The following TLK1 variants were observed in gnomAD, a reference collection of about 807,000 sequenced individuals.
TLK1 encodes the protein tousled like kinase 1.
Under a neutral mutation model 105.3 loss-of-function variants are expected in TLK1, and 24 were observed. The ratio of observed to expected loss-of-function variants is 0.23; its 90% confidence interval spans 0.17 to 0.32. The LOEUF is 0.32. Among genes scored for constraint, TLK1 ranks in the 10% least tolerant of loss-of-function variants. The probability of loss-of-function intolerance (pLI) is 1.00; values close to 1 mark genes in which losing one functional copy is unlikely to be tolerated. For synonymous variants in TLK1, 321 were observed against 310.4 expected (o/e 1.03, Z -0.36); for missense variants, 558 against 910.5 (o/e 0.61, Z 4.98).
chr2:171,128,500 T>C (rs1690961979), intron 1 of TLK1, among the ~76,000 whole-genome samples: 1 of 152,218 alleles, frequency 6.6e-6, no homozygotes, highest in Non-Finnish European at 1.5e-5. Context: ...AATGTGAACA[T>C]ATATGTATGC....
At chr2:171,077,663 G>C (rs1008702619) in intron 3 of TLK1, among the ~76,000 whole-genome samples, 4 of 152,066 alleles carry the variant, frequency 2.6e-5, no homozygotes, top group Non-Finnish European at 5.9e-5. Flanking sequence ...TGGGTCTCAG[G>C]ATCCCTCTGT....
In TLK1 at chr2:171,160,203, C is replaced by A; in HGVS notation, c.139+87G>T. The stretch of plus-strand genomic sequence containing the variant: ...ACCCCAGGGTCTGGCGGAGAAGCCC[C>A]GGGGCGGGGGGGGCGGGGGGGGGGC... On this transcript the variant is annotated intron_variant, in intron 1 of 20. Transcript: ENST00000431350. The surrounding 1 kb of genome is among the most constrained non-coding windows in gnomAD (Gnocchi z 4.4). The A allele has an allele frequency of 8.4e-7, 1 of 1,187,324 alleles. No homozygotes were observed. Among genetic ancestry groups the A allele is most frequent in the Non-Finnish European group, 1.0e-6 (1 of 963,712 alleles). 73.5% of individuals were successfully genotyped at this position (1,187,324 alleles called of 1,614,324 possible).
At chr2:171,090,013 G>A (rs1359769819) in intron 2 of TLK1, among the ~76,000 whole-genome samples, 1 of 152,024 alleles carries the variant, frequency 6.6e-6, no homozygotes, top group Non-Finnish European at 1.5e-5. Flanking sequence ...GATTTTAATT[G>A]GTATTGCACT....
At chr2:171,117,287 A>ACTCTCCT in intron 2 of TLK1, among the ~76,000 whole-genome samples, 1 of 152,202 alleles carries the variant, frequency 6.6e-6, no homozygotes. Context: ...GGTGGAGCTC[A>ACTCTCCT]GGCAGTAATG....
At chr2:171,123,815 A>C (rs1690756884) in intron 1 of TLK1, among the ~76,000 whole-genome samples, 2 of 152,206 alleles carry the variant, frequency 1.3e-5, no homozygotes, top group Non-Finnish European at 2.9e-5. Flanking sequence ...CTTTTGCTTA[A>C]AAACAAACAA....
At chr2:171,107,752 T>C (rs1689990337) in intron 2 of TLK1, among the ~76,000 whole-genome samples, 1 of 151,992 alleles carries the variant, frequency 6.6e-6, no homozygotes, top group African/African-American at 2.4e-5. Context: ...TAATGAATTA[T>C]AACAACAGAA....
intron 8 of TLK1, among the ~76,000 whole-genome samples, chr2:171,051,974 T>C (rs1307353087): frequency 1.3e-5 from 2 of 152,094 alleles, no homozygotes; most frequent in African/African-American, 4.8e-5. Flanking sequence ...ACTAATAATT[T>C]ATATTGAAAG....
intron 7 of TLK1, 181 bp downstream of exon 7, chr2:171,054,902 G>T (rs1687422732): frequency 5.2e-6 from 2 of 380,960 alleles, no homozygotes; most frequent in Non-Finnish European, 9.6e-6. Flanking sequence ...ATAGTAAATT[G>T]TGTGTTTCAG....
chr2:171,196,064 A>G (rs1026718703), intron 1 of TLK1, among the ~76,000 whole-genome samples: 7 of 150,096 alleles, frequency 4.7e-5, no homozygotes, highest in Non-Finnish European at 7.4e-5. Context: ...AAAGAAAGAA[A>G]AAGGAAGGAA....
rs1186730140 is a variant in TLK1, at chr2:170,992,413, A to G, written c.*1367T>C. 6.6e-6 allele frequency: 1 copy of G among 152,604 alleles called. No homozygotes were observed. The highest frequency in any genetic ancestry group is 2.4e-5 in the African/African-American group (1 of 41,458). 9.5% of individuals were successfully genotyped at this position (152,604 alleles called of 1,614,324 possible). On this transcript the variant is annotated 3_prime_UTR_variant, in exon 21 of 21. Coordinates refer to ENST00000431350, the MANE Select transcript of TLK1 (RefSeq NM_012290.5). The stretch of plus-strand genomic sequence containing the variant: ...ACAATAAAGAAAAAGTCCTTACAGG[A>G]GTGAAATACAGCATCCTGAAAAATA...
rs1252236721 is a variant in TLK1, at chr2:171,160,202, C to A, written c.139+88G>T. On this transcript the variant is annotated intron_variant, in intron 1 of 20. Coordinates refer to ENST00000431350, the MANE Select transcript of TLK1 (RefSeq NM_012290.5). The surrounding 1 kb of genome is among the most constrained non-coding windows in gnomAD (Gnocchi z 4.4). ...CACCCCAGGGTCTGGCGGAGAAGCC[C>A]CGGGGCGGGGGGGGCGGGGGGGGGG... The A allele has an allele frequency of 3.3e-6, 4 of 1,199,152 alleles. No homozygotes were observed. The highest frequency in any genetic ancestry group is 4.2e-6 in the Non-Finnish European group (4 of 962,852). 74.3% of individuals were successfully genotyped at this position (1,199,152 alleles called of 1,614,324 possible).
At chr2:171,142,538 G>A (rs538234147) in intron 1 of TLK1, among the ~76,000 whole-genome samples, 1 of 152,096 alleles carries the variant, frequency 6.6e-6, no homozygotes, top group African/African-American at 2.4e-5. Context: ...AGAGGGACAC[G>A]TCACAATAAT....
chr2:171,069,720 T>C (rs1316066566), intron 3 of TLK1, among the ~76,000 whole-genome samples: 1 of 152,250 alleles, frequency 6.6e-6, no homozygotes. Flanking sequence ...ATTCTGAGTT[T>C]ACAGTGAAAA....
chr2:171,033,851 C>A (rs1686175035), intron 11 of TLK1, among the ~76,000 whole-genome samples: 1 of 148,770 alleles, frequency 6.7e-6, no homozygotes, highest in Non-Finnish European at 1.5e-5. Context: ...CAGAAAATAT[C>A]TGCAAATCAT....
rs1683868873 is a variant in TLK1 at position 170,993,289 on chromosome 2, C to T, written c.*491G>A. ...AACTGTCACTGTCATTCAGTTCTTACTTTGGTTTCAGCAGATTAACTGCCA... is the reference window on the plus strand; with the variant it reads ...AACTGTCACTGTCATTCAGTTCTTATTTTGGTTTCAGCAGATTAACTGCCA... On this transcript the variant is annotated 3_prime_UTR_variant, in exon 21 of 21. Transcript: ENST00000431350. 1 of 152,636 alleles carries T rather than the reference C, an allele frequency of 6.6e-6. No individual in the cohort carries two copies. The highest frequency in any genetic ancestry group is 6.5e-5 in the Admixed American group (1 of 15,278). The allele number at this position is 152,636 out of a possible 1,614,324, so 9.5% of individuals were successfully genotyped here.
At chr2:171,091,913 T>C (rs1377558352) in intron 2 of TLK1, 1 of 152,152 alleles carries the variant, frequency 6.6e-6, no homozygotes, top group Admixed American at 6.6e-5. Flanking sequence ...CCCGGCTAAT[T>C]TTTTGTATTT....
chr2:171,005,038 T>C (rs533406057), intron 18 of TLK1, among the ~76,000 whole-genome samples: 2 of 152,364 alleles, frequency 1.3e-5, no homozygotes, highest in East Asian at 3.9e-4. Flanking sequence ...TAAGTGGTTA[T>C]GATGTGCTCA....
chr2:171,162,958 A>G (rs1273025999), upstream of TLK1, among the ~76,000 whole-genome samples: 1 of 152,094 alleles, frequency 6.6e-6, no homozygotes, highest in Non-Finnish European at 1.5e-5. Flanking sequence ...ACATCCAGCT[A>G]ACTTTGTATT....
intron 11 of TLK1, among the ~76,000 whole-genome samples, chr2:171,032,612 G>A (rs569478369): frequency 6.6e-6 from 1 of 152,200 alleles, no homozygotes; most frequent in African/African-American, 2.4e-5. Flanking sequence ...TAAATGAAAA[G>A]ATATCCTATG....
Sources: gnomAD v4.1 joint callset for allele counts (sites outside exome capture counted in the v4.1 genomes callset) on GRCh38, gnomAD v4.1.1 for gene constraint, Gnocchi (gnomAD v3.1) non-coding constraint, MANE v1.5 for transcripts, NCBI Gene and HGNC (gene_info 2026-07-23, HGNC 2026-07-21) for gene names.